Variants in AHI1 observed in about 807,000 individuals in gnomAD.
The protein encoded by AHI1 is jouberin.
In AHI1, 123 loss-of-function variants were observed where a neutral mutation model predicts 149.3. The ratio of observed to expected loss-of-function variants is 0.82; its 90% CI spans 0.71 to 0.96. The LOEUF is 0.96. AHI1 is among the 40% of genes least tolerant of loss of function. The probability of loss-of-function intolerance (pLI) is 0.00; values close to 1 mark genes in which losing one functional copy is unlikely to be tolerated. For synonymous variants in AHI1, 475 were observed against 459.8 expected (o/e 1.03, Z -0.42); for missense variants, 1,439 against 1,422.7 (o/e 1.01, Z -0.18).
chr6:135,464,526 A>G (rs1489836116), intron 7 of AHI1, among the ~76,000 whole-genome samples: 1 of 152,180 alleles, frequency 6.6e-6, no homozygotes, highest in Non-Finnish European at 1.5e-5. Context: ...CTAGTGACTT[A>G]CTTCTGACAG....
intron 27 of AHI1, among the ~76,000 whole-genome samples, chr6:135,291,413 T>C (rs1400811649): frequency 6.6e-6 from 1 of 151,970 alleles, no homozygotes; most frequent in Admixed American, 6.5e-5. Flanking sequence ...GGTTCTAATC[T>C]AATAAGACTA....
At chr6:135,491,154 A>G in intron 4 of AHI1, among the ~76,000 whole-genome samples, 1 of 152,206 alleles carries the variant, frequency 6.6e-6, no homozygotes, top group East Asian at 1.9e-4. Context: ...AGGTGTGCCT[A>G]GCCTGTAATC....
rs1021260304 is a variant in AHI1, at chr6:135,386,925, C to CCTTTTTT, written c.3109+7844_3109+7850dup. On this transcript the variant is annotated intron_variant, in intron 23 of 28. Coordinates refer to ENST00000265602, the MANE Select transcript of AHI1 (RefSeq NM_001134831.2). ...ATAAGGCATGAGCCACCCCACCTGG[C>CCTTTTTT]CTTTTTTCTTTTTTCTTTTTGAGAC... Among the ~76,000 whole-genome samples the CCTTTTTT allele has an allele frequency of 9.2e-5, 14 of 152,154 alleles. No individual in the cohort carries two copies. The East Asian group carries it at 2.3e-3, about 25-fold the overall frequency.
intron 24 of AHI1, among the ~76,000 whole-genome samples, chr6:135,351,378 G>A (rs564813246): frequency 6.6e-5 from 10 of 152,192 alleles, no homozygotes; most frequent in African/African-American, 2.4e-4. Flanking sequence ...CAAATATATC[G>A]AGTGAGGTCC....
At chr6:135,481,598 T>C (rs1793652277) in intron 5 of AHI1, among the ~76,000 whole-genome samples, 1 of 151,912 alleles carries the variant, frequency 6.6e-6, no homozygotes, top group African/African-American at 2.4e-5. Context: ...TTATAAAATA[T>C]CTTTTAAAGA....
chr6:135,314,868 T>C (rs1785710619), intron 26 of AHI1, among the ~76,000 whole-genome samples: 1 of 152,200 alleles, frequency 6.6e-6, no homozygotes. Context: ...ATCTGTGATC[T>C]GCAGACCTTG....
intron 9 of AHI1, 60 bp downstream of exon 9, chr6:135,457,434 G>A (rs1355578467): frequency 4.5e-6 from 6 of 1,337,154 alleles, no homozygotes; most frequent in African/African-American, 2.9e-5. Flanking sequence ...ACCAATGGCA[G>A]AAAAAAGACT....
At chr6:135,434,176 G>A (rs1785050424) in intron 15 of AHI1, among the ~76,000 whole-genome samples, 1 of 151,644 alleles carries the variant, frequency 6.6e-6, no homozygotes, top group Non-Finnish European at 1.5e-5. Context: ...AATTGAGTCT[G>A]TTACAAGATT....
chr6:135,401,752 G>C (rs1031546581), intron 22 of AHI1, among the ~76,000 whole-genome samples: 4 of 152,076 alleles, frequency 2.6e-5, no homozygotes, highest in African/African-American at 9.7e-5. Flanking sequence ...AGAAAACATA[G>C]GAGTAAATCT....
At chr6:135,314,272 A>G (rs1010691848) in intron 26 of AHI1, among the ~76,000 whole-genome samples, 9 of 152,188 alleles carry the variant, frequency 5.9e-5, no homozygotes, top group African/African-American at 2.2e-4. Context: ...ATAATGAGAG[A>G]CACAAAAAAG....
Position 135,466,165 on chromosome 6 carries a change from A to C in AHI1, c.398T>G (p.Val133Gly). 4 of 1,613,870 alleles carry C rather than the reference A, an allele frequency of 2.5e-6. No individual in the cohort carries two copies. The highest frequency in any genetic ancestry group is 3.4e-6 in the Non-Finnish European group (4 of 1,179,858). Reference sequence around the variant, plus strand: ...CAGGTCTTGTGTAGTCAACTGGGGCACCGTCTTTATCACCTTTTTATTTGG... The same window carrying C: ...CAGGTCTTGTGTAGTCAACTGGGGCCCCGTCTTTATCACCTTTTTATTTGG... ...GKPNKKVIKT[V>G]PQLTTQDLKP... The change falls in exon 7 of 29, where the codon GTG becomes GGG. Residue 133 changes from valine to glycine, a missense_variant. Val to Gly is a moderately radical substitution (Grantham distance 109, BLOSUM62 -3). Transcript: ENST00000265602.
At position 135,457,612 on chromosome 6, in the gene AHI1, A is replaced by C. The variant is rs200927282; in HGVS notation, c.1033T>G (p.Leu345Val). The C allele has an allele frequency of 2.5e-6, 4 of 1,613,878 alleles. No homozygotes were observed. Among genetic ancestry groups the C allele is most frequent in the East Asian group, 4.5e-5 (2 of 44,880 alleles). ...TCAGTTCGGTGAATGTAAACTCCCA[A>C]GACAAGGTCATCATCAAGCAAACAT... Reference protein sequence around the residue: ...PKCLLDDDLVLGVYIHRTDRL... With the variant: ...PKCLLDDDLVVGVYIHRTDRL... Residue 345 changes from leucine to valine, a missense_variant, in exon 9 of 29, where the codon TTG becomes GTG. Physicochemically the swap from Leu to Val is conservative, Grantham distance 32. Coordinates refer to ENST00000265602, the MANE Select transcript of AHI1 (RefSeq NM_001134831.2).
chr6:135,318,618 T>C lies in AHI1; in HGVS notation c.3329-2A>G, dbSNP rs1226670624. 1.9e-6 allele frequency: 3 copies of C among 1,588,922 alleles called. No individual in the cohort carries two copies. The highest frequency in any genetic ancestry group is 2.3e-5 in the South Asian group (2 of 85,986). Reference sequence around the variant, plus strand: ...CAGGAGGCAGTTCTTGATACAGTGCTGAAATTGGAAAAAGGAATTCATGTA... The same window carrying C: ...CAGGAGGCAGTTCTTGATACAGTGCCGAAATTGGAAAAAGGAATTCATGTA... On this transcript the variant is annotated splice_acceptor_variant, in intron 25 of 28. Coordinates refer to ENST00000265602, the MANE Select transcript of AHI1 (RefSeq NM_001134831.2). LOFTEE classifies it high-confidence loss of function.
At chr6:135,469,234 C>T (rs1168472706) in intron 5 of AHI1, among the ~76,000 whole-genome samples, 4 of 152,118 alleles carry the variant, frequency 2.6e-5, no homozygotes, top group Non-Finnish European at 4.4e-5. Flanking sequence ...TAATTCATCA[C>T]ATGAACAGAA....
At chr6:135,460,007 T>C (rs1020079132) in intron 8 of AHI1, among the ~76,000 whole-genome samples, 19 of 151,736 alleles carry the variant, frequency 1.3e-4, no homozygotes, top group African/African-American at 4.4e-4. Flanking sequence ...GCCTGGAAAA[T>C]GTAGTGAGAC....
intron 24 of AHI1, among the ~76,000 whole-genome samples, chr6:135,340,447 A>G (rs1790121402): frequency 1.3e-5 from 2 of 151,688 alleles, no homozygotes; most frequent in African/African-American, 4.8e-5. Flanking sequence ...TGAAAAAATA[A>G]ATTAAAAAAA....
At chr6:135,484,621 C>G (rs1425603666) in intron 5 of AHI1, among the ~76,000 whole-genome samples, 1 of 152,054 alleles carries the variant, frequency 6.6e-6, no homozygotes, top group Non-Finnish European at 1.5e-5. Context: ...ATAAAATACT[C>G]AGAAGGTCCT....
Position 135,308,137 on chromosome 6 carries a change from T to C in AHI1, c.3427-7579A>G, listed in dbSNP as rs140851677. ...TGGCCACTGTCTAAAGGACAATTTATGACTAGGAATGATGGGTGGGAAGTT... is the reference window on the plus strand; with the variant it reads ...TGGCCACTGTCTAAAGGACAATTTACGACTAGGAATGATGGGTGGGAAGTT... On this transcript the variant is annotated intron_variant, in intron 26 of 28. Transcript: ENST00000265602. Among the ~76,000 whole-genome samples the C allele has an allele frequency of 3.9e-5, 6 of 152,326 alleles. No individual in the cohort carries two copies. The East Asian group carries it at 9.6e-4, about 24-fold the overall frequency.
intron 28 of AHI1, 75 bp downstream of exon 28, chr6:135,290,348 T>C (rs1782183572): frequency 2.2e-6 from 2 of 922,540 alleles, no homozygotes; most frequent in South Asian, 2.8e-5. Context: ...CTGGTATTTG[T>C]CCTTGCTGAC....
Sources: gnomAD v4.1 joint callset for allele counts (sites outside exome capture counted in the v4.1 genomes callset) on GRCh38, gnomAD v4.1.1 for gene constraint, MANE v1.5 for transcripts, NCBI Gene and HGNC (gene_info 2026-07-23, HGNC 2026-07-21) for gene names.